PCDHGA6: variants seen among roughly 807,000 people sequenced by gnomAD.
The protein encoded by PCDHGA6 is protocadherin gamma-A6.
A neutral mutation model predicts 60.6 loss-of-function variants in PCDHGA6; 41 were observed. That is an observed-to-expected ratio of 0.68 (90% confidence interval 0.53 to 0.88). The LOEUF (loss-of-function observed/expected upper bound fraction) is 0.88. Among genes scored for constraint, PCDHGA6 ranks in the 40% least tolerant of loss-of-function variants. PCDHGA6 has a pLI of 0.00. For synonymous variants in PCDHGA6, 594 were observed against 524.4 expected (o/e 1.13, Z -1.81); for missense variants, 1,312 against 1,203.0 (o/e 1.09, Z -1.34).
At chr5:141,441,864 G>A in intron 1 of PCDHGA6, 3 of 344,518 alleles carry the variant, frequency 8.7e-6, no homozygotes, top group Admixed American at 4.1e-5. Context: ...TGCACGCCGC[G>A]GAGCCTGGCT....
chr5:141,421,424 G>T lies in PCDHGA6; in HGVS notation c.2424+44917G>T, dbSNP rs369037131. 2.2e-5 allele frequency: 35 copies of T among 1,613,974 alleles called. No individual in the cohort carries two copies. The African/African-American group carries it at 3.9e-4, about 18-fold the overall frequency. ...CGGGAGCTGGCGAAGCGCGGAGTCC[G>T]CATCGTCTCCAGAGGGAAGACACAG... is the stretch of plus-strand genomic sequence containing the variant. On this transcript the variant is annotated intron_variant, in intron 1 of 3. Transcript: ENST00000517434.
At position 141,487,665 on chromosome 5, in the gene PCDHGA6, G is replaced by C. The variant is rs373971935; in HGVS notation, c.2425-7142G>C. 2.1e-5 allele frequency: 34 copies of C among 1,612,724 alleles called. No homozygotes were observed. In the South Asian group the frequency reaches 3.4e-4, roughly 16 times the overall value. ...ATGCTTGAGGGTTATTCTGATCCAG[G>C]CATATGGCTAGGCCATGTCCTAGAG... On this transcript the variant is annotated intron_variant, in intron 1 of 3. Transcript: ENST00000517434. The surrounding 1 kb of genome is among the most constrained non-coding windows in gnomAD (Gnocchi z 5.0).
At chr5:141,380,295 A>G (rs956041839) in intron 1 of PCDHGA6, among the ~76,000 whole-genome samples, 2 of 152,172 alleles carry the variant, frequency 1.3e-5, no homozygotes, top group African/African-American at 2.4e-5. Flanking sequence ...GAAGATACCT[A>G]TATCTTTGCT....
intron 1 of PCDHGA6, chr5:141,422,953 G>A: frequency 6.2e-7 from 1 of 1,614,232 alleles, no homozygotes; most frequent in Non-Finnish European, 8.5e-7. Context: ...CTCCACTGGC[G>A]TGGAGCTGGC....
intron 1 of PCDHGA6, among the ~76,000 whole-genome samples, chr5:141,461,151 C>A (rs1424467673): frequency 6.6e-6 from 1 of 152,022 alleles, no homozygotes; most frequent in African/African-American, 2.4e-5. Context: ...TGGGTAGATA[C>A]CCAATAGTGG....
intron 1 of PCDHGA6, chr5:141,412,700 G>C (rs537095191): frequency 6.6e-6 from 1 of 152,574 alleles, no homozygotes; most frequent in South Asian, 2.1e-4. Flanking sequence ...TTTTATTAAA[G>C]TGTGTACATT....
At position 141,432,908 on chromosome 5, in the gene PCDHGA6, C is replaced by A. The variant is rs757934634; in HGVS notation, c.2424+56401C>A. On this transcript the variant is annotated intron_variant, in intron 1 of 3. Coordinates refer to ENST00000517434, the MANE Select transcript of PCDHGA6 (RefSeq NM_018919.3). This position sits in a 1 kb window ranked among gnomAD's most constrained non-coding sequence, Gnocchi z 6.0. ...CATCTTGCTGCTGGCGCTCAGGCTGCGGCGCTGGCACAAGTCACGCCTGCT... is the reference window on the plus strand; with the variant it reads ...CATCTTGCTGCTGGCGCTCAGGCTGAGGCGCTGGCACAAGTCACGCCTGCT... The A allele has an allele frequency of 1.6e-5, 26 of 1,614,168 alleles. No individual in the cohort carries two copies. Among genetic ancestry groups the A allele is most frequent in the Middle Eastern group, 1.7e-4 (1 of 6,060 alleles).
At chr5:141,448,782 T>C (rs2098606045) in intron 1 of PCDHGA6, among the ~76,000 whole-genome samples, 1 of 148,758 alleles carries the variant, frequency 6.7e-6, no homozygotes, top group Non-Finnish European at 1.5e-5. Flanking sequence ...GTACTAAAAA[T>C]ACAAAAAAAA....
intron 1 of PCDHGA6, among the ~76,000 whole-genome samples, chr5:141,406,071 C>T (rs2094755708): frequency 7.4e-6 from 1 of 134,244 alleles, no homozygotes; most frequent in East Asian, 2.1e-4. Context: ...AATTCTTACT[C>T]CTTTTTTTTT....
chr5:141,457,902 G>A (rs1219261409), intron 1 of PCDHGA6, among the ~76,000 whole-genome samples: 1 of 150,854 alleles, frequency 6.6e-6, no homozygotes, highest in Non-Finnish European at 1.5e-5. Flanking sequence ...GTGTAGACAA[G>A]GTGTGAGGCC....
At chr5:141,473,033 G>GGAAA (rs1282468299) in intron 1 of PCDHGA6, among the ~76,000 whole-genome samples, 1 of 146,284 alleles carries the variant, frequency 6.8e-6, no homozygotes, top group African/African-American at 2.5e-5. Flanking sequence ...AAGGAAGGAA[G>GGAAA]GAAAGAAAGA....
chr5:141,427,985 C>A (rs747784722), intron 1 of PCDHGA6: 23 of 1,597,524 alleles, frequency 1.4e-5, no homozygotes, highest in Non-Finnish European at 1.9e-5. Context: ...CGCTGGGGCC[C>A]GATGGCTCCG....
intron 1 of PCDHGA6, chr5:141,427,503 A>C (rs1317684577): frequency 6.9e-6 from 4 of 578,118 alleles, no homozygotes; most frequent in Non-Finnish European, 9.8e-6. Flanking sequence ...AACAGATGGG[A>C]CCCTGGATTG....
chr5:141,431,393 C>T lies in PCDHGA6; in HGVS notation c.2424+54886C>T, dbSNP rs1485575362. 5 of 1,613,884 alleles carry T rather than the reference C, an allele frequency of 3.1e-6. No individual in the cohort carries two copies. Among genetic ancestry groups the T allele is most frequent in the Non-Finnish European group, 4.2e-6 (5 of 1,180,048 alleles). On this transcript the variant is annotated intron_variant, in intron 1 of 3. Coordinates refer to ENST00000517434, the MANE Select transcript of PCDHGA6 (RefSeq NM_018919.3). The surrounding 1 kb of genome is among the most constrained non-coding windows in gnomAD (Gnocchi z 4.8). ...AGAAAAGGCTGCTCACCACCTGGTC[C>T]TTACGGCCTCCGACGGGGGCGACCC...
rs774630488 is a variant in PCDHGA6 at position 141,490,640 on chromosome 5, G to A, written c.2425-4167G>A. On this transcript the variant is annotated intron_variant, in intron 1 of 3. Transcript: ENST00000517434. The surrounding 1 kb of genome is among the most constrained non-coding windows in gnomAD (Gnocchi z 5.4). Reference sequence around the variant, plus strand: ...TACACTGCTTACATCCTAGAAAACCGGCCTCCGGGCTCCCTTCTTTGCACT... The same window carrying A: ...TACACTGCTTACATCCTAGAAAACCAGCCTCCGGGCTCCCTTCTTTGCACT... 2.6e-5 allele frequency: 42 copies of A among 1,614,004 alleles called. No individual in the cohort carries two copies. The highest frequency in any genetic ancestry group is 1.6e-4 in the Middle Eastern group (1 of 6,084).
intron 1 of PCDHGA6, chr5:141,417,903 A>G (rs2096184376): frequency 1.3e-6 from 2 of 1,590,930 alleles, no homozygotes; most frequent in Non-Finnish European, 8.6e-7. Flanking sequence ...GGCCCGCGGC[A>G]GGTACTATTT....
intron 1 of PCDHGA6, chr5:141,389,373 C>T (rs1561624770): frequency 3.1e-6 from 5 of 1,613,756 alleles, no homozygotes; most frequent in Non-Finnish European, 4.2e-6. Flanking sequence ...CCTGGAGCAG[C>T]GGGAGCTGTC....
intron 2 of PCDHGA6, among the ~76,000 whole-genome samples, chr5:141,495,440 A>G (rs2099761377): frequency 6.6e-6 from 1 of 151,898 alleles, no homozygotes; most frequent in African/African-American, 2.4e-5. Context: ...CTCTGCCCCT[A>G]CTTGTCCTGC....
chr5:141,407,497 G>GTTTTTTT (rs1554102286), intron 1 of PCDHGA6, among the ~76,000 whole-genome samples: 1 of 152,088 alleles, frequency 6.6e-6, no homozygotes, highest in African/African-American at 2.4e-5. Context: ...CTTTATTTCT[G>GTTTTTTT]TTTTTCTTAG....
Sources: allele counts gnomAD v4.1 joint callset (sites outside exome capture counted in the v4.1 genomes callset), GRCh38; gene constraint gnomAD v4.1.1; non-coding constraint Gnocchi (gnomAD v3.1); transcripts MANE v1.5; gene names NCBI Gene and HGNC (gene_info 2026-07-23, HGNC 2026-07-21).